Variants in RNGTT observed in about 807,000 individuals in gnomAD.
The protein encoded by RNGTT is mRNA-capping enzyme.
In RNGTT, 33 loss-of-function variants were observed where a neutral mutation model predicts 79.3. That is an observed-to-expected ratio of 0.42 (90% CI 0.32 to 0.56). The LOEUF (loss-of-function observed/expected upper bound fraction) is 0.56, where lower values mean the gene tolerates loss of function less well. Among genes scored for constraint, RNGTT ranks in the 20% least tolerant of loss-of-function variants. The pLI is 0.17. For synonymous variants in RNGTT, 222 were observed against 235.9 expected, an observed-to-expected ratio of 0.94 and a Z score of 0.54; for missense variants, 497 against 739.1, an observed-to-expected ratio of 0.67 and a Z score of 3.80.
chr6:88,759,536 G>A (rs9353602), intron 13 of RNGTT, among the ~76,000 whole-genome samples: 21,073 of 152,042 alleles, frequency 0.14, 1,592 homozygotes, highest in Middle Eastern at 0.24. Context: ...TCATGTATAT[G>A]TATTCATATA....
At chr6:88,678,529 TTAGA>T in intron 13 of RNGTT, 110 bp from the exon 14 acceptor site, 2 of 535,038 alleles carry the variant, frequency 3.7e-6, no homozygotes, top group East Asian at 4.3e-5. Flanking sequence ...ATAAAATATA[TTAGA>T]TGGATGCTGT....
intron 6 of RNGTT, among the ~76,000 whole-genome samples, chr6:88,897,521 T>C (rs979882063): frequency 1.1e-4 from 16 of 152,188 alleles, no homozygotes; most frequent in African/African-American, 3.4e-4. Context: ...TCCACACTAA[T>C]AAATATGCTT....
intron 13 of RNGTT, among the ~76,000 whole-genome samples, chr6:88,718,953 A>G (rs903516222): frequency 2.6e-5 from 4 of 152,194 alleles, no homozygotes; most frequent in Non-Finnish European, 5.9e-5. Flanking sequence ...CCCTTTTCAT[A>G]GTATAAAAAT....
intron 14 of RNGTT, among the ~76,000 whole-genome samples, chr6:88,663,302 G>A (rs561574400): frequency 1.3e-5 from 2 of 152,298 alleles, no homozygotes; most frequent in Admixed American, 6.5e-5. Context: ...AAGGCTTTAT[G>A]TGAGATAGAC....
chr6:88,954,602 G>A (rs1392476305), intron 1 of RNGTT, among the ~76,000 whole-genome samples: 1 of 151,794 alleles, frequency 6.6e-6, no homozygotes, highest in Non-Finnish European at 1.5e-5. Context: ...AACAAAAAAA[G>A]AATAGAGTTA....
intron 13 of RNGTT, among the ~76,000 whole-genome samples, chr6:88,744,771 A>C (rs1777609704): frequency 6.6e-6 from 1 of 152,200 alleles, no homozygotes; most frequent in African/African-American, 2.4e-5. Flanking sequence ...TTTAGGAGAA[A>C]GTAGCTTAAA....
chr6:88,671,720 G>A (rs7740451), intron 14 of RNGTT, among the ~76,000 whole-genome samples: 17,349 of 152,176 alleles, frequency 0.11, 1,117 homozygotes, highest in Middle Eastern at 0.22. Context: ...CAAGGATATA[G>A]TTGCCAAAAC....
chr6:88,963,217 C>A, intron 1 of RNGTT, 129 bp downstream of exon 1: 1 of 876,304 alleles, frequency 1.1e-6, no homozygotes, highest in Non-Finnish European at 1.8e-6. Context: ...AAGCGTAATC[C>A]GACGGAGCAT....
intron 12 of RNGTT, among the ~76,000 whole-genome samples, chr6:88,772,643 T>G (rs1778728120): frequency 6.6e-6 from 1 of 151,318 alleles, no homozygotes; most frequent in Non-Finnish European, 1.5e-5. Context: ...AAAGACCCCA[T>G]CAAAAAGTGG....
intron 11 of RNGTT, among the ~76,000 whole-genome samples, chr6:88,842,405 C>A (rs1324287844): frequency 6.6e-6 from 1 of 150,918 alleles, no homozygotes; most frequent in East Asian, 1.9e-4. Flanking sequence ...TATGCAGCAG[C>A]AATAACAGTA....
chr6:88,911,672 A>G (rs1211180414), intron 4 of RNGTT, among the ~76,000 whole-genome samples: 2 of 152,242 alleles, frequency 1.3e-5, no homozygotes, highest in Non-Finnish European at 2.9e-5. Flanking sequence ...CAACGAAATT[A>G]AGAAAGAAAA....
intron 8 of RNGTT, among the ~76,000 whole-genome samples, chr6:88,872,162 G>GT (rs1782379366): frequency 6.6e-6 from 1 of 152,080 alleles, no homozygotes; most frequent in Non-Finnish European, 1.5e-5. Context: ...TATAAACTTT[G>GT]TTTTTTCTCT....
intron 13 of RNGTT, among the ~76,000 whole-genome samples, chr6:88,756,122 GA>G (rs1216285562): frequency 6.6e-6 from 1 of 151,932 alleles, no homozygotes; most frequent in African/African-American, 2.4e-5. Context: ...TAACAAAGAG[GA>G]AAATGCAACT....
intron 14 of RNGTT, among the ~76,000 whole-genome samples, chr6:88,642,588 T>A (rs1773365461): frequency 6.6e-6 from 1 of 152,176 alleles, no homozygotes; most frequent in African/African-American, 2.4e-5. Context: ...CAGCAATATT[T>A]ATACAAGAAC....
intron 11 of RNGTT, among the ~76,000 whole-genome samples, chr6:88,804,742 G>C (rs575300513): frequency 1.3e-4 from 19 of 149,706 alleles, no homozygotes; most frequent in Non-Finnish European, 1.8e-4. Context: ...ATCCAAACTT[G>C]TTACGGCCAT....
At chr6:88,632,516 C>G (rs974939124) in intron 14 of RNGTT, among the ~76,000 whole-genome samples, 8 of 145,774 alleles carry the variant, frequency 5.5e-5, no homozygotes, top group Non-Finnish European at 1.0e-4. Context: ...GTTTATATAG[C>G]AACCAACTAC....
chr6:88,869,507 G>A (rs1220594721), intron 8 of RNGTT, among the ~76,000 whole-genome samples: 1 of 152,268 alleles, frequency 6.6e-6, no homozygotes, highest in East Asian at 1.9e-4. Flanking sequence ...AGTAGAGATA[G>A]TGTTTCAGGG....
chr6:88,882,592 C>T (rs966406160), intron 8 of RNGTT, among the ~76,000 whole-genome samples: 2 of 152,118 alleles, frequency 1.3e-5, no homozygotes, highest in Non-Finnish European at 2.9e-5. Flanking sequence ...TAAAATATAA[C>T]CAAGTGCTAC....
At chr6:88,641,613 CAATGAGT>C (rs1424460188) in intron 14 of RNGTT, among the ~76,000 whole-genome samples, 1 of 152,148 alleles carries the variant, frequency 6.6e-6, no homozygotes, top group Non-Finnish European at 1.5e-5. Flanking sequence ...CTTGAATTTA[CAATGAGT>C]ACAAGCTAAG....
Sources: allele counts gnomAD v4.1 joint callset (sites outside exome capture counted in the v4.1 genomes callset), GRCh38; gene constraint gnomAD v4.1.1; transcripts MANE v1.5; gene names NCBI Gene and HGNC (gene_info 2026-07-23, HGNC 2026-07-21).